MTHFD1L: variants seen among roughly 807,000 people sequenced by gnomAD.
The protein encoded by MTHFD1L is methylenetetrahydrofolate dehydrogenase (NADP+ dependent) 1 like, also known as monofunctional C1-tetrahydrofolate synthase, mitochondrial.
A neutral mutation model predicts 119.5 loss-of-function variants in MTHFD1L; 81 were observed. The ratio of observed to expected loss-of-function variants is 0.68; its 90% CI spans 0.57 to 0.82. MTHFD1L has a LOEUF of 0.82. MTHFD1L is among the 40% of genes least tolerant of loss of function. MTHFD1L has a pLI of 0.00. For synonymous variants in MTHFD1L, 430 were observed against 475.2 expected (o/e 0.90, Z 1.24); for missense variants, 1,125 against 1,253.4 (o/e 0.90, Z 1.55).
chr6:150,946,164 T>C (rs943918239), intron 15 of MTHFD1L, among the ~76,000 whole-genome samples: 1 of 152,214 alleles, frequency 6.6e-6, no homozygotes, highest in African/African-American at 2.4e-5. Context: ...TGTTTTGTTT[T>C]TTGAGACAGA....
At chr6:150,901,176 T>G (rs1252077341) in intron 7 of MTHFD1L, among the ~76,000 whole-genome samples, 4 of 151,618 alleles carry the variant, frequency 2.6e-5, no homozygotes, top group Non-Finnish European at 4.4e-5. Flanking sequence ...ATGCCCTGTC[T>G]GATCATAAAG....
intron 16 of MTHFD1L, among the ~76,000 whole-genome samples, chr6:150,951,785 T>C (rs12209109): frequency 0.31 from 46,408 of 151,876 alleles, 7,621 homozygotes; most frequent in East Asian, 0.46. Flanking sequence ...CCAAAATGTA[T>C]TGTCATCTTT....
At chr6:151,082,311 A>G (rs1313735925) in intron 26 of MTHFD1L, among the ~76,000 whole-genome samples, 1 of 152,208 alleles carries the variant, frequency 6.6e-6, no homozygotes, top group Non-Finnish European at 1.5e-5. Context: ...CTGAAGGGCC[A>G]TTTAGAATCA....
rs182297939 is a variant in MTHFD1L at position 150,992,852 on chromosome 6, G to A, written c.2126-16967G>A. ...CAGGGCTACGACTCTCTCTGCAAAC[G>A]AAACCCAGAGACATGAACAGTGCTG... On this transcript the variant is annotated intron_variant, in intron 20 of 27. Coordinates refer to ENST00000367321, the MANE Select transcript of MTHFD1L (RefSeq NM_015440.5). Among the ~76,000 whole-genome samples the A allele has an allele frequency of 1.1e-4, 16 of 152,298 alleles. 1 individual carries two copies. In the South Asian group the frequency reaches 1.9e-3, roughly 18 times the overall value.
chr6:151,014,437 CAGTT>C (rs1782715081), intron 22 of MTHFD1L, among the ~76,000 whole-genome samples: 1 of 152,216 alleles, frequency 6.6e-6, no homozygotes, highest in African/African-American at 2.4e-5. Context: ...GGTCTATATA[CAGTT>C]GGCTTTATGA....
At position 150,884,623 on chromosome 6, in the gene MTHFD1L, C is replaced by T. The variant is rs1781918869; in HGVS notation, c.543-1011C>T. Among the ~76,000 whole-genome samples, 10 of 152,122 alleles carry T rather than the reference C, an allele frequency of 6.6e-5. No homozygotes were observed. In the South Asian group the frequency reaches 1.9e-3, roughly 29 times the overall value. ...AAGGAGGGGAATTCATGCTGAGGCC[C>T]AGCCAGGAAAAACCAACCAAACAAA... On this transcript the variant is annotated intron_variant, in intron 5 of 27. Coordinates refer to ENST00000367321, the MANE Select transcript of MTHFD1L (RefSeq NM_015440.5).
chr6:151,091,728 TA>T (rs1293120217), intron 26 of MTHFD1L, among the ~76,000 whole-genome samples: 5 of 152,128 alleles, frequency 3.3e-5, no homozygotes, highest in African/African-American at 1.2e-4. Flanking sequence ...AAAGCAGTCG[TA>T]GGGGTGGCTG....
At chr6:150,944,649 T>C in intron 14 of MTHFD1L, 56 bp downstream of exon 14, 2 of 1,287,768 alleles carry the variant, frequency 1.6e-6, no homozygotes, top group South Asian at 2.5e-5. Context: ...ATTCCTGGAT[T>C]CTTAAGGAGT....
chr6:150,925,783 A>G (rs1789864139), intron 10 of MTHFD1L, among the ~76,000 whole-genome samples: 1 of 152,126 alleles, frequency 6.6e-6, no homozygotes, highest in South Asian at 2.1e-4. Context: ...ATGATGGCCC[A>G]TACAGAGCAT....
chr6:151,005,045 T>G (rs1338230214), intron 20 of MTHFD1L, among the ~76,000 whole-genome samples: 2 of 151,768 alleles, frequency 1.3e-5, no homozygotes, highest in Non-Finnish European at 2.9e-5. Context: ...GTATCTCTTT[T>G]AAGCTTTGTT....
intron 27 of MTHFD1L, among the ~76,000 whole-genome samples, chr6:151,095,968 A>G (rs1794863767): frequency 6.6e-6 from 1 of 152,224 alleles, no homozygotes; most frequent in Non-Finnish European, 1.5e-5. Flanking sequence ...GAAGTCGACA[A>G]CCTGCTCAAG....
intron 18 of MTHFD1L, among the ~76,000 whole-genome samples, chr6:150,962,150 CG>C (rs1796539209): frequency 1.3e-5 from 2 of 152,092 alleles, no homozygotes; most frequent in African/African-American, 2.4e-5. Context: ...CTGCCACACC[CG>C]GCTAATTTTT....
At chr6:150,922,914 G>A (rs1789242517) in intron 10 of MTHFD1L, among the ~76,000 whole-genome samples, 2 of 152,128 alleles carry the variant, frequency 1.3e-5, no homozygotes, top group African/African-American at 2.4e-5. Flanking sequence ...AAAGTGCTGG[G>A]ATTACAGGCG....
chr6:150,940,982 C>G (rs1792998946), intron 13 of MTHFD1L, among the ~76,000 whole-genome samples: 1 of 152,230 alleles, frequency 6.6e-6, no homozygotes, highest in Admixed American at 6.5e-5. Flanking sequence ...ATCCTCCCAG[C>G]TCTGAGCACC....
intron 20 of MTHFD1L, among the ~76,000 whole-genome samples, chr6:150,981,679 C>T (rs1363380730): frequency 6.6e-6 from 1 of 152,134 alleles, no homozygotes; most frequent in African/African-American, 2.4e-5. Flanking sequence ...TAAACTAGTC[C>T]ATGTTTAGGA....
At chr6:151,084,319 A>AG (rs1793510813) in intron 26 of MTHFD1L, among the ~76,000 whole-genome samples, 1 of 152,152 alleles carries the variant, frequency 6.6e-6, no homozygotes, top group Non-Finnish European at 1.5e-5. Flanking sequence ...GACCGTGGAG[A>AG]GAAATGGCTG....
intron 24 of MTHFD1L, among the ~76,000 whole-genome samples, chr6:151,029,187 G>A (rs561724557): frequency 1.6e-4 from 24 of 152,038 alleles, no homozygotes; most frequent in Middle Eastern, 3.4e-3. Context: ...TTGGGAGGCC[G>A]AGGCAGGCAG....
intron 12 of MTHFD1L, among the ~76,000 whole-genome samples, chr6:150,937,188 C>A (rs533640332): frequency 1.1e-3 from 160 of 152,122 alleles, no homozygotes; most frequent in Non-Finnish European, 1.8e-3. Context: ...GCTCAAGGCT[C>A]CCGCCTCGAG....
At chr6:150,955,114 A>G (rs942803542) in intron 16 of MTHFD1L, among the ~76,000 whole-genome samples, 2 of 152,152 alleles carry the variant, frequency 1.3e-5, no homozygotes, top group African/African-American at 4.8e-5. Flanking sequence ...TTGCACTATC[A>G]TCACTATCTA....
Sources: allele counts gnomAD v4.1 joint callset (sites outside exome capture counted in the v4.1 genomes callset), GRCh38; gene constraint gnomAD v4.1.1; transcripts MANE v1.5; gene names NCBI Gene and HGNC (gene_info 2026-07-23, HGNC 2026-07-21).